The following SH3GL3 variants were observed in gnomAD, a reference collection of about 807,000 sequenced individuals.
SH3GL3 encodes the protein endophilin-A3.
A neutral mutation model predicts 47.7 loss-of-function variants in SH3GL3; 33 were observed. The ratio of observed to expected loss-of-function variants is 0.69; its 90% CI spans 0.52 to 0.92. The LOEUF is 0.92. SH3GL3 is among the 40% of genes least tolerant of loss of function. The probability of loss-of-function intolerance (pLI) is 0.00; values close to 1 mark genes in which losing one functional copy is unlikely to be tolerated. For synonymous variants in SH3GL3, 155 were observed against 148.8 expected, an observed-to-expected ratio of 1.04 and a Z score of -0.30; for missense variants, 363 against 417.8, an observed-to-expected ratio of 0.87 and a Z score of 1.14.
At chr15:83,587,169 C>T in intron 7 of SH3GL3, 83 bp downstream of exon 7, 1 of 694,864 alleles carries the variant, frequency 1.4e-6, no homozygotes, top group African/African-American at 1.8e-5. Context: ...CTCCATCTCT[C>T]CATCTCCCCC....
intron 3 of SH3GL3, among the ~76,000 whole-genome samples, chr15:83,567,961 T>C (rs1281875425): frequency 1.3e-5 from 2 of 148,538 alleles, no homozygotes; most frequent in Admixed American, 1.4e-4. Flanking sequence ...TCATTTCTTT[T>C]TTTTTTTCTT....
chr15:83,590,419 A>G (rs1199723313), intron 8 of SH3GL3, among the ~76,000 whole-genome samples: 9 of 152,180 alleles, frequency 5.9e-5, no homozygotes, highest in Non-Finnish European at 2.9e-5. Context: ...GTTTTCTACT[A>G]CTTTGAATAA....
At chr15:83,567,989 T>C (rs1297693037) in intron 3 of SH3GL3, among the ~76,000 whole-genome samples, 5 of 150,988 alleles carry the variant, frequency 3.3e-5, no homozygotes, top group Non-Finnish European at 5.9e-5. Context: ...TTCTTTCTTT[T>C]TTTTTTTTTT....
intron 1 of SH3GL3, among the ~76,000 whole-genome samples, chr15:83,511,752 G>A (rs1002274604): frequency 7.9e-5 from 12 of 151,920 alleles, no homozygotes; most frequent in Admixed American, 6.6e-5. Flanking sequence ...AGTGTACCGC[G>A]CACCTGCTGG....
chr15:83,599,114 T>G (rs951103391), intron 8 of SH3GL3, among the ~76,000 whole-genome samples: 1 of 152,240 alleles, frequency 6.6e-6, no homozygotes, highest in Non-Finnish European at 1.5e-5. Context: ...ACTTATTTTT[T>G]TGCGCTTTAT....
chr15:83,476,227 G>T (rs1184339331), intron 1 of SH3GL3, among the ~76,000 whole-genome samples: 1 of 152,212 alleles, frequency 6.6e-6, no homozygotes, highest in Non-Finnish European at 1.5e-5. Context: ...AGTTTATACA[G>T]TTGGAAAGTG....
chr15:83,480,043 A>G (rs1188683407), intron 1 of SH3GL3, among the ~76,000 whole-genome samples: 1 of 152,236 alleles, frequency 6.6e-6, no homozygotes, highest in Non-Finnish European at 1.5e-5. Flanking sequence ...TCAGTGTAAT[A>G]AAATTCACCA....
intron 1 of SH3GL3, among the ~76,000 whole-genome samples, chr15:83,500,507 T>C (rs2042249536): frequency 6.6e-6 from 1 of 152,098 alleles, no homozygotes; most frequent in Admixed American, 6.5e-5. Flanking sequence ...GTGCCATATC[T>C]CTCTCCACTA....
chr15:83,629,083 T>C, the SH3GL3 span, among the ~76,000 whole-genome samples: 1,969 of 152,266 alleles, frequency 0.013, 35 homozygotes, highest in African/African-American at 0.045. Flanking sequence ...CTACAAAACA[T>C]TGTATGTAAA....
chr15:83,561,400 G>A (rs1222433534), intron 2 of SH3GL3, among the ~76,000 whole-genome samples: 1 of 152,162 alleles, frequency 6.6e-6, no homozygotes, highest in Non-Finnish European at 1.5e-5. Flanking sequence ...ATTTAGGCAT[G>A]AGTGACAATT....
At chr15:83,622,387 A>C (rs776993454), downstream of SH3GL3, among the ~76,000 whole-genome samples, 7 of 152,210 alleles carry the variant, frequency 4.6e-5, no homozygotes, top group Non-Finnish European at 8.8e-5. Flanking sequence ...TCACATTAGG[A>C]ATTTACCAAA....
At chr15:83,510,091 C>CT (rs35224712) in intron 1 of SH3GL3, among the ~76,000 whole-genome samples, 12 of 148,242 alleles carry the variant, frequency 8.1e-5, no homozygotes, top group East Asian at 7.9e-4. Flanking sequence ...CTTAAGGATT[C>CT]TTTTTTTTTT....
At chr15:83,551,764 T>C (rs73448443) in intron 1 of SH3GL3, among the ~76,000 whole-genome samples, 40 of 152,352 alleles carry the variant, frequency 2.6e-4, no homozygotes, top group African/African-American at 8.7e-4. Flanking sequence ...TGCTGTTTCC[T>C]GTTATGTTGT....
At chr15:83,466,406 T>C (rs1434656193) in intron 1 of SH3GL3, among the ~76,000 whole-genome samples, 1 of 138,648 alleles carries the variant, frequency 7.2e-6, no homozygotes, top group Non-Finnish European at 1.6e-5. Context: ...AGGAGTGCAA[T>C]TGTTAGAATA....
chr15:83,512,914 T>C (rs2042826732), intron 1 of SH3GL3, among the ~76,000 whole-genome samples: 1 of 152,226 alleles, frequency 6.6e-6, no homozygotes, highest in Non-Finnish European at 1.5e-5. Context: ...TTAAAAAGGT[T>C]ATCTCTTTCT....
chr15:83,601,948 C>CA (rs578253442), intron 8 of SH3GL3, among the ~76,000 whole-genome samples: 4,690 of 114,634 alleles, frequency 0.041, 76 homozygotes, highest in East Asian at 0.078. Flanking sequence ...GTTTGTGTCT[C>CA]AAAAAAAAAA....
At chr15:83,510,902 G>A (rs866747276) in intron 1 of SH3GL3, among the ~76,000 whole-genome samples, 1 of 151,264 alleles carries the variant, frequency 6.6e-6, no homozygotes. Flanking sequence ...AAGAAAGCTG[G>A]CCACTCAGAT....
At chr15:83,556,202 C>G (rs1397755462) in intron 1 of SH3GL3, among the ~76,000 whole-genome samples, 1 of 152,160 alleles carries the variant, frequency 6.6e-6, no homozygotes, top group Non-Finnish European at 1.5e-5. Flanking sequence ...CTTTCTATCC[C>G]AAGTACCAGT....
intron 6 of SH3GL3, among the ~76,000 whole-genome samples, chr15:83,584,528 C>T (rs1283540007): frequency 6.6e-6 from 1 of 152,176 alleles, no homozygotes; most frequent in Non-Finnish European, 1.5e-5. Flanking sequence ...CTTCACAGCC[C>T]TCACTTCACA....
Sources: gnomAD v4.1 joint callset for allele counts (sites outside exome capture counted in the v4.1 genomes callset) on GRCh38, gnomAD v4.1.1 for gene constraint, MANE v1.5 for transcripts, NCBI Gene and HGNC (gene_info 2026-07-23, HGNC 2026-07-21) for gene names.